The following ZNF335 variants were observed in gnomAD, a reference collection of about 807,000 sequenced individuals.
ZNF335 encodes the protein zinc finger protein 335, also known as NRC-interacting factor 1.
Under a neutral mutation model 145.6 loss-of-function variants are expected in ZNF335, and 84 were observed. That is an observed-to-expected ratio of 0.58 (90% CI 0.48 to 0.69). The LOEUF (loss-of-function observed/expected upper bound fraction) is 0.69. Ranked by LOEUF, ZNF335 falls within the 30% of genes least tolerant of loss-of-function variation. The pLI is 0.00. For missense variants in ZNF335, 1,865 were observed against 1,809.7 expected, an observed-to-expected ratio of 1.03 and a Z score of -0.55; for synonymous variants, 761 against 717.0, an observed-to-expected ratio of 1.06 and a Z score of -0.98.
Position 45,965,530 on chromosome 20 carries a change from G to T in ZNF335, c.1102+98C>A. On this transcript the variant is annotated intron_variant, in intron 7 of 27. Coordinates refer to ENST00000322927, the MANE Select transcript of ZNF335 (RefSeq NM_022095.4). ...TGACCCGGTTTGAGACAGCTGCCCT[G>T]CAGGGCACACTCAGTCCCCAGAACT... The T allele has an allele frequency of 4.2e-6, 6 of 1,420,888 alleles. No homozygotes were observed. The South Asian group carries it at 6.7e-5, about 16-fold the overall frequency. The allele number at this position is 1,420,888 out of a possible 1,614,324, so 88.0% of individuals were successfully genotyped here.
intron 18 of ZNF335, among the ~76,000 whole-genome samples, 158 bp downstream of exon 18, chr20:45,953,531 G>A (rs2083671669): frequency 6.6e-6 from 1 of 152,224 alleles, no homozygotes; most frequent in African/African-American, 2.4e-5. Context: ...AAAAATGGTA[G>A]CTCTTGACCT....
intron 20 of ZNF335, 94 bp from the exon 21 acceptor site, chr20:45,950,689 C>T: frequency 6.4e-7 from 1 of 1,554,170 alleles, no homozygotes; most frequent in Non-Finnish European, 8.7e-7. Flanking sequence ...GGGAACCAGA[C>T]AAAGTGGACC....
rs6017715 is a variant in ZNF335, at chr20:45,971,200, G to C, written c.201+10C>G. The C allele has an allele frequency of 0.93, 1,418,662 of 1,526,222 alleles. 662,731 individuals carry two copies. Among genetic ancestry groups the C allele is most frequent in the Non-Finnish European group, 0.95 (1,083,914 of 1,138,314 alleles). The allele number at this position is 1,526,222 out of a possible 1,614,324, so 94.5% of individuals were successfully genotyped here. The stretch of plus-strand genomic sequence containing the variant: ...TTGCCTCCACCCACGCCGTCCAGCC[G>C]GGTCCATACCTGAGAACGGCTGCCG... On this transcript the variant is annotated intron_variant, in intron 2 of 27. Coordinates refer to ENST00000322927, the MANE Select transcript of ZNF335 (RefSeq NM_022095.4).
rs747262701 is a variant in ZNF335, at chr20:45,960,336, T to C, written c.1892A>G (p.Glu631Gly). 1.9e-5 allele frequency: 31 copies of C among 1,614,014 alleles called. No homozygotes were observed. The highest frequency in any genetic ancestry group is 1.3e-5 in the African/African-American group (1 of 74,904). The change falls in exon 14 of 28, where the codon GAA becomes GGA. Residue 631 changes from glutamate (E) to glycine (G), a missense_variant. Coordinates refer to ENST00000322927, the MANE Select transcript of ZNF335 (RefSeq NM_022095.4). ...FKCEFCEFVC[E>G]DKKALLNHQL... is the part of the protein sequence containing the mutation. ...GTGGTTCAGCAGTGCCTTCTTGTCTTCACAAACAAACTCACAGAACTCACA... is the reference window on the plus strand; with the variant it reads ...GTGGTTCAGCAGTGCCTTCTTGTCTCCACAAACAAACTCACAGAACTCACA...
chr20:45,959,245 T>C lies in ZNF335; in HGVS notation c.2209A>G (p.Ser737Gly). Residue 737 changes from serine to glycine, a missense_variant, in exon 15 of 28, where the codon AGT (serine) becomes GGT (glycine). Coordinates refer to ENST00000322927, the MANE Select transcript of ZNF335 (RefSeq NM_022095.4). ...CTGGGAGGTGGTCCAGGGGCCGCAC[T>C]GTGCTGCTGCTTCAGCTCCTCAATC... ...QQIEELKQQHSAAPGPPPSSP... is the reference protein window; with the variant it reads ...QQIEELKQQHGAAPGPPPSSP... The C allele has an allele frequency of 6.8e-7, 1 of 1,469,934 alleles. No individual in the cohort carries two copies. Among genetic ancestry groups the C allele is most frequent in the South Asian group, 1.4e-5 (1 of 72,670 alleles). 91.1% of individuals were successfully genotyped at this position (1,469,934 alleles called of 1,614,324 possible).
intron 17 of ZNF335, among the ~76,000 whole-genome samples, chr20:45,956,746 T>G (rs1455169483): frequency 6.6e-6 from 1 of 152,052 alleles, no homozygotes; most frequent in Non-Finnish European, 1.5e-5. Context: ...ATCCCTACCT[T>G]TCTGCATACA....
rs553666691 is a variant in ZNF335 at position 45,968,222 on chromosome 20, C to G, written c.520+63G>C. On this transcript the variant is annotated intron_variant, in intron 4 of 27. Transcript: ENST00000322927. Reference sequence around the variant, plus strand: ...GCCACAGACGGAATCCGCGGCAGAACCTGTCCTCACCTATCCCCCTGCCCA... The same window carrying G: ...GCCACAGACGGAATCCGCGGCAGAAGCTGTCCTCACCTATCCCCCTGCCCA... 703 of 1,565,880 alleles carry G rather than the reference C, an allele frequency of 4.5e-4. 1 individual carries two copies. Among genetic ancestry groups the G allele is most frequent in the Non-Finnish European group, 5.6e-4 (643 of 1,139,532 alleles).
At chr20:45,969,992 G>A (rs1236176362) in intron 2 of ZNF335, 2 of 289,846 alleles carry the variant, frequency 6.9e-6, no homozygotes, top group Non-Finnish European at 1.3e-5. Context: ...CGTTCCCTCT[G>A]CCTGAAACTC....
chr20:45,969,408 A>G, intron 3 of ZNF335, 43 bp downstream of exon 3: 1 of 1,462,398 alleles, frequency 6.8e-7, no homozygotes, highest in Non-Finnish European at 9.1e-7. Context: ...TGGCTGCCGG[A>G]CACTGCAGGA....
chr20:45,949,459 G>A (rs749033379), intron 25 of ZNF335, 26 bp downstream of exon 25: 15 of 1,613,790 alleles, frequency 9.3e-6, no homozygotes, highest in Non-Finnish European at 1.3e-5. Context: ...TCACCACACA[G>A]CACCCTCATC....
intron 20 of ZNF335, 104 bp downstream of exon 20, chr20:45,952,043 G>A: frequency 1.4e-6 from 2 of 1,448,274 alleles, no homozygotes; most frequent in Non-Finnish European, 1.8e-6. Context: ...TCCACTCAGA[G>A]GAGAGCAGAG....
chr20:45,967,889 G>A lies in ZNF335; in HGVS notation c.659C>T (p.Pro220Leu), dbSNP rs752406370. 1.9e-6 allele frequency: 3 copies of A among 1,612,550 alleles called. No homozygotes were observed. The African/African-American group carries it at 4.0e-5, about 22-fold the overall frequency. Reference protein sequence around the residue: ...QGGPSSPVQLPPASGAEEPDL... With the variant: ...QGGPSSPVQLLPASGAEEPDL... ...CGGCTCTTCGGCACCGGAGGCTGGG[G>A]GCAGCTGCACCGGGGAGCTGGGCCC... Residue 220 changes from proline to leucine, a missense_variant, in exon 5 of 28, where the codon CCC (proline) becomes CTC (leucine). Transcript: ENST00000322927.
Position 45,949,983 on chromosome 20 carries a change from G to C in ZNF335, c.3574C>G (p.Gln1192Glu). The part of the protein sequence containing the change: ...SQEHIIVAQE[Q>E]TVTNQEEAAY... ...ACTCTTACCTGATTGGTCACTGTCT[G>C]TTCCTGGGCAACGATGATGTGTTCC... The change falls in exon 23 of 28, where the codon CAG becomes GAG. Residue 1192 changes from glutamine to glutamate, a missense_variant. Coordinates refer to ENST00000322927, the MANE Select transcript of ZNF335 (RefSeq NM_022095.4). 1.2e-6 allele frequency: 2 copies of C among 1,614,180 alleles called. No individual in the cohort carries two copies. The highest frequency in any genetic ancestry group is 1.7e-6 in the Non-Finnish European group (2 of 1,180,032).
chr20:45,958,965 A>G (rs6073970), intron 15 of ZNF335, among the ~76,000 whole-genome samples: 7 of 152,234 alleles, frequency 4.6e-5, no homozygotes, highest in Non-Finnish European at 1.0e-4. Flanking sequence ...GAATTCTTGT[A>G]TAAGAGAGAA....
Position 45,948,952 on chromosome 20 carries a change from C to T in ZNF335, c.*1G>A. 6.2e-7 allele frequency: 1 copy of T among 1,613,872 alleles called. No homozygotes were observed. The highest frequency in any genetic ancestry group is 1.1e-5 in the South Asian group (1 of 91,086). ...CATGATCTGTGTTGGGCCCTCGGGGCTCAGTCATCGGCCAGGGTGATGACG... is the reference window on the plus strand; with the variant it reads ...CATGATCTGTGTTGGGCCCTCGGGGTTCAGTCATCGGCCAGGGTGATGACG... On this transcript the variant is annotated 3_prime_UTR_variant, in exon 28 of 28. Transcript: ENST00000322927.
chr20:45,959,631 G>A (rs1052290666), intron 14 of ZNF335, among the ~76,000 whole-genome samples, 198 bp from the exon 15 acceptor site: 1 of 152,166 alleles, frequency 6.6e-6, no homozygotes, highest in Non-Finnish European at 1.5e-5. Context: ...GCACTCAAGA[G>A]CCTTCCTGTG....
intron 6 of ZNF335, chr20:45,967,256 G>C: frequency 1.7e-6 from 1 of 586,142 alleles, no homozygotes. Flanking sequence ...ACCTTTACTT[G>C]TATTCTATTT....
At chr20:45,965,381 T>C (rs2083932123) in intron 7 of ZNF335, among the ~76,000 whole-genome samples, 4 of 152,168 alleles carry the variant, frequency 2.6e-5, no homozygotes, top group Admixed American at 2.0e-4. Flanking sequence ...AAGTCCCAAA[T>C]TTCTCTTTTG....
Position 45,949,100 on chromosome 20 carries a change from T to A in ZNF335, c.3902-20A>T, listed in dbSNP as rs1178999072. ...CCACTGCTGCCAGGGGAGGGGAAAG[T>A]ATGGTGAGCTGGAGGCTCAAGAGCT... On this transcript the variant is annotated intron_variant, in intron 27 of 27. Coordinates refer to ENST00000322927, the MANE Select transcript of ZNF335 (RefSeq NM_022095.4). The A allele has an allele frequency of 1.2e-6, 2 of 1,613,510 alleles. No homozygotes were observed. Among genetic ancestry groups the A allele is most frequent in the East Asian group, 2.2e-5 (1 of 44,866 alleles).
Sources: allele counts gnomAD v4.1 joint callset (sites outside exome capture counted in the v4.1 genomes callset), GRCh38; gene constraint gnomAD v4.1.1; transcripts MANE v1.5; gene names NCBI Gene and HGNC (gene_info 2026-07-23, HGNC 2026-07-21).